CPXM2: variants seen among roughly 807,000 people sequenced by gnomAD.
The protein encoded by CPXM2 is carboxypeptidase X, M14 family member 2.
Under a neutral mutation model 86.1 loss-of-function variants are expected in CPXM2, and 66 were observed. The ratio of observed to expected loss-of-function variants is 0.77; its 90% CI spans 0.63 to 0.94. The LOEUF is 0.94. Ranked by LOEUF, CPXM2 falls within the 40% of genes least tolerant of loss-of-function variation. CPXM2 has a pLI of 0.00. For synonymous variants in CPXM2, 388 were observed against 400.2 expected (o/e 0.97, Z 0.36); for missense variants, 948 against 1,026.3 (o/e 0.92, Z 1.04).
intron 11 of CPXM2, among the ~76,000 whole-genome samples, chr10:123,758,003 T>G (rs1413241888): frequency 3.9e-5 from 6 of 152,148 alleles, no homozygotes; most frequent in Admixed American, 3.9e-4. Context: ...GAGTCAGGGT[T>G]TGGGCCCAGG....
intron 4 of CPXM2, among the ~76,000 whole-genome samples, chr10:123,818,654 T>C (rs1170583189): frequency 1.3e-5 from 2 of 152,198 alleles, no homozygotes; most frequent in East Asian, 3.8e-4. Context: ...GCTAAAGAAG[T>C]GTGGCAGTGG....
chr10:123,923,797 T>G (rs1229242378), intron 2 of CPXM2, among the ~76,000 whole-genome samples: 1 of 152,200 alleles, frequency 6.6e-6, no homozygotes, highest in Non-Finnish European at 1.5e-5. Context: ...TCACAAGATC[T>G]GATGGTTTTA....
chr10:123,832,826 T>TAAAAAAAAAAAAAAAAAA (rs537178892), intron 4 of CPXM2, among the ~76,000 whole-genome samples: 1 of 133,582 alleles, frequency 7.5e-6, no homozygotes, highest in African/African-American at 3.1e-5. Context: ...AAACTCTGTC[T>TAAAAAAAAAAAAAAAAAA]AAAAAAAAAA....
intron 4 of CPXM2, among the ~76,000 whole-genome samples, chr10:123,825,059 G>A (rs763777380): frequency 1.3e-5 from 2 of 152,200 alleles, no homozygotes; most frequent in Non-Finnish European, 2.9e-5. Context: ...ATTCCGAAAA[G>A]ACCAGAAACT....
chr10:123,927,882 A>G (rs1945637559), intron 2 of CPXM2, among the ~76,000 whole-genome samples: 1 of 152,110 alleles, frequency 6.6e-6, no homozygotes, highest in Non-Finnish European at 1.5e-5. Flanking sequence ...CCTTTCGGGA[A>G]TTTTCTCCAG....
chr10:123,822,485 A>G (rs1847948488), intron 4 of CPXM2, among the ~76,000 whole-genome samples: 1 of 152,112 alleles, frequency 6.6e-6, no homozygotes. Context: ...ATGAACTGCA[A>G]TTGTGATATT....
intron 2 of CPXM2, among the ~76,000 whole-genome samples, chr10:123,878,087 G>GGGTTT (rs1945017438): frequency 6.6e-6 from 1 of 152,094 alleles, no homozygotes; most frequent in Non-Finnish European, 1.5e-5. Flanking sequence ...GATCCTGACA[G>GGGTTT]GAGGATGGAC....
rs1260452234 is a variant in CPXM2 at position 123,754,259 on chromosome 10, T to G, written c.2017+404A>C. ...TCCACAAGTCACCCAGTCTACAGCT[T>G]CTCCCTCTCCGGAGCAGCCTGGCTC... On this transcript the variant is annotated intron_variant, in intron 13 of 13. Coordinates refer to ENST00000241305, the MANE Select transcript of CPXM2 (RefSeq NM_198148.3). The surrounding 1 kb of genome is among the most constrained non-coding windows in gnomAD (Gnocchi z 4.0). Among the ~76,000 whole-genome samples, 1 of 152,118 alleles carries G rather than the reference T, an allele frequency of 6.6e-6. No individual in the cohort carries two copies. The highest frequency in any genetic ancestry group is 2.4e-5 in the African/African-American group (1 of 41,410).
At chr10:123,763,100 C>T (rs1221658519) in intron 10 of CPXM2, among the ~76,000 whole-genome samples, 23 of 152,120 alleles carry the variant, frequency 1.5e-4, no homozygotes, top group Admixed American at 9.8e-4. Flanking sequence ...AGTGCAGTGG[C>T]GCGATCTTGG....
At chr10:123,824,863 G>A (rs60143385) in intron 4 of CPXM2, among the ~76,000 whole-genome samples, 3,400 of 152,278 alleles carry the variant, frequency 0.022, 124 homozygotes, top group African/African-American at 0.073. Context: ...ACATCTCCCC[G>A]CCCTGAATGA....
rs1379457826 is a variant in CPXM2, at chr10:123,902,442, T to C, written n.175-22133A>G. Reference sequence around the variant, plus strand: ...GCATGTAACAGCTTAGAGTAAATCTTGGCATATAGTGTCTTAGTCCATTAG... The same window carrying C: ...GCATGTAACAGCTTAGAGTAAATCTCGGCATATAGTGTCTTAGTCCATTAG... On this transcript the variant is annotated intron_variant and non_coding_transcript_variant, in intron 2 of 19. Transcript: ENST00000368854. 4.6e-5 allele frequency among the ~76,000 whole-genome samples: 7 copies of C among 152,228 alleles called. No individual in the cohort carries two copies. The East Asian group carries it at 9.6e-4, about 21-fold the overall frequency.
At chr10:123,806,195 C>T (rs1188712186) in intron 4 of CPXM2, among the ~76,000 whole-genome samples, 1 of 152,038 alleles carries the variant, frequency 6.6e-6, no homozygotes, top group Non-Finnish European at 1.5e-5. Context: ...TTTTTGTTGT[C>T]TGAATATGGC....
chr10:123,882,538 A>T (rs916610214), intron 1 of CPXM2, among the ~76,000 whole-genome samples: 4 of 152,262 alleles, frequency 2.6e-5, no homozygotes, highest in African/African-American at 9.6e-5. Flanking sequence ...GTTTTAAGAA[A>T]AGGAAAGAAA....
At chr10:123,820,324 C>T (rs1344146041) in intron 4 of CPXM2, among the ~76,000 whole-genome samples, 1 of 152,164 alleles carries the variant, frequency 6.6e-6, no homozygotes, top group African/African-American at 2.4e-5. Context: ...GAGAGCAGCA[C>T]AGAGAAGCTC....
Position 123,770,929 on chromosome 10 carries a change from C to G in CPXM2, c.1089G>C (p.Gly363=). 1 of 1,610,484 alleles carries G rather than the reference C, an allele frequency of 6.2e-7. No individual in the cohort carries two copies. The highest frequency in any genetic ancestry group is 8.5e-7 in the Non-Finnish European group (1 of 1,178,722). ...LYAVEISDHP[G]EHEVGEPEFH... ...GGCCCTTCTCACCGACTTCATGCTC[C>G]CCAGGGTGATCTGAGATCTCCACAG... The change falls in exon 8 of 14, where the codon GGG becomes GGC. Residue 363 remains glycine (G), a synonymous_variant. Coordinates refer to ENST00000241305, the MANE Select transcript of CPXM2 (RefSeq NM_198148.3).
chr10:123,898,766 T>C (rs1945358326), intron 2 of CPXM2, among the ~76,000 whole-genome samples: 1 of 152,238 alleles, frequency 6.6e-6, no homozygotes, highest in South Asian at 2.1e-4. Context: ...TTTTTTAAGA[T>C]GGAGTTTCGC....
In CPXM2 at chr10:123,937,034, C is replaced by T. The variant is rs143737267; in HGVS notation, n.174+2443G>A. On this transcript the variant is annotated intron_variant and non_coding_transcript_variant, in intron 2 of 19. Coordinates refer to the CPXM2 transcript ENST00000368854. ...GGAAACTGAGGCTCAGAGAGGCCAA[C>T]GACAGCTAGAAGGTGGCAAAGTTGG... Among the ~76,000 whole-genome samples the T allele has an allele frequency of 9.2e-5, 14 of 152,326 alleles. No individual in the cohort carries two copies. In the East Asian group the frequency reaches 2.3e-3, roughly 25 times the overall value.
chr10:123,914,757 C>T (rs1392411260), intron 2 of CPXM2, among the ~76,000 whole-genome samples: 1 of 152,164 alleles, frequency 6.6e-6, no homozygotes, highest in African/African-American at 2.4e-5. Context: ...ATTTCACTGC[C>T]CTCATTCAGG....
At chr10:123,933,866 T>C (rs1480054790) in intron 2 of CPXM2, among the ~76,000 whole-genome samples, 1 of 152,134 alleles carries the variant, frequency 6.6e-6, no homozygotes, top group East Asian at 1.9e-4. Context: ...CATCTTCTTT[T>C]CTGAATCTCC....
Sources: gnomAD v4.1 joint callset for allele counts (sites outside exome capture counted in the v4.1 genomes callset) on GRCh38, gnomAD v4.1.1 for gene constraint, Gnocchi (gnomAD v3.1) non-coding constraint, MANE v1.5 for transcripts, NCBI Gene and HGNC (gene_info 2026-07-23, HGNC 2026-07-21) for gene names.